Variants in RAD51B observed in about 807,000 individuals in gnomAD.
RAD51B encodes the protein RAD51 paralog B.
A neutral mutation model predicts 42.2 loss-of-function variants in RAD51B; 38 were observed. The observed-to-expected ratio is 0.90, with a 90% CI of 0.70 to 1.18. The LOEUF (loss-of-function observed/expected upper bound fraction) is 1.18. Among genes scored for constraint, RAD51B ranks in the 50% most tolerant of loss-of-function variants. RAD51B has a pLI of 0.00. For synonymous variants in RAD51B, 154 were observed against 145.2 expected, an observed-to-expected ratio of 1.06 and a Z score of -0.43; for missense variants, 373 against 400.7, an observed-to-expected ratio of 0.93 and a Z score of 0.59.
intron 7 of RAD51B, among the ~76,000 whole-genome samples, chr14:67,902,418 A>G (rs2043642184): frequency 6.6e-6 from 1 of 152,182 alleles, no homozygotes; most frequent in Non-Finnish European, 1.5e-5. Flanking sequence ...GACTGTTTTT[A>G]TCCTTAGTTA....
intron 10 of RAD51B, among the ~76,000 whole-genome samples, chr14:68,486,365 A>T (rs1247532369): frequency 6.6e-6 from 1 of 152,148 alleles, no homozygotes; most frequent in Admixed American, 6.5e-5. Context: ...GTTTAAGTCT[A>T]TTGCCACTGG....
chr14:68,195,724 C>A (rs752500136), intron 7 of RAD51B, among the ~76,000 whole-genome samples: 12 of 151,292 alleles, frequency 7.9e-5, no homozygotes, highest in Non-Finnish European at 1.6e-4. Flanking sequence ...GCCTGACCAG[C>A]AGGGAGAAAA....
intron 7 of RAD51B, among the ~76,000 whole-genome samples, chr14:68,234,580 C>G (rs2080209719): frequency 6.6e-6 from 1 of 152,100 alleles, no homozygotes; most frequent in African/African-American, 2.4e-5. Flanking sequence ...GTACTGAATA[C>G]TATAGGCAAT....
chr14:68,199,200 G>A (rs2079433680), intron 7 of RAD51B, among the ~76,000 whole-genome samples: 1 of 152,144 alleles, frequency 6.6e-6, no homozygotes, highest in Non-Finnish European at 1.5e-5. Flanking sequence ...CAGAATAGAA[G>A]CAACACTCCA....
chr14:68,381,036 T>C (rs1303456138), intron 8 of RAD51B, among the ~76,000 whole-genome samples: 1 of 152,274 alleles, frequency 6.6e-6, no homozygotes, highest in African/African-American at 2.4e-5. Flanking sequence ...CATGAAATCA[T>C]GTTCACATTT....
chr14:68,501,734 C>A (rs1485115789), intron 10 of RAD51B, among the ~76,000 whole-genome samples: 5 of 152,268 alleles, frequency 3.3e-5, no homozygotes. Context: ...GCCCACTTCT[C>A]AAGATAGTGA....
At chr14:68,429,390 A>G (rs1377055629) in intron 9 of RAD51B, among the ~76,000 whole-genome samples, 2 of 152,064 alleles carry the variant, frequency 1.3e-5, no homozygotes, top group African/African-American at 2.4e-5. Flanking sequence ...AAGTGTTCCT[A>G]TTTCTCCACA....
chr14:68,037,803 G>GT, intron 7 of RAD51B, among the ~76,000 whole-genome samples: 1 of 152,180 alleles, frequency 6.6e-6, no homozygotes, highest in African/African-American at 2.4e-5. Flanking sequence ...AAATTTTTCC[G>GT]TATGTTCTGT....
chr14:68,368,218 A>T (rs551428980), intron 8 of RAD51B, among the ~76,000 whole-genome samples: 1 of 152,316 alleles, frequency 6.6e-6, no homozygotes, highest in South Asian at 2.1e-4. Context: ...TTTTATATTA[A>T]CAGAAACCCT....
rs561374016 is a variant in RAD51B at position 68,440,781 on chromosome 14, C to T, written c.958-27391C>T. 2.0e-5 allele frequency among the ~76,000 whole-genome samples: 3 copies of T among 151,938 alleles called. No individual in the cohort carries two copies. In the South Asian group the frequency reaches 6.2e-4, roughly 32 times the overall value. On this transcript the variant is annotated intron_variant, in intron 9 of 10. Coordinates refer to ENST00000471583, the MANE Select transcript of RAD51B (RefSeq NM_133510.4). Reference sequence around the variant, plus strand: ...AGAAAGAAAGAAAGAAAGAAAGTAACCATCATTTCTAGTCTGTGGGGATCA... The same window carrying T: ...AGAAAGAAAGAAAGAAAGAAAGTAATCATCATTTCTAGTCTGTGGGGATCA...
chr14:67,972,786 A>C (rs1214660070), intron 7 of RAD51B, among the ~76,000 whole-genome samples: 4 of 152,102 alleles, frequency 2.6e-5, no homozygotes, highest in Admixed American at 6.6e-5. Flanking sequence ...TTATCATGTC[A>C]TGAATTGGGA....
chr14:68,051,394 G>T (rs951040577), intron 7 of RAD51B, among the ~76,000 whole-genome samples: 1 of 151,860 alleles, frequency 6.6e-6, no homozygotes, highest in Non-Finnish European at 1.5e-5. Flanking sequence ...TAGGTTGTTT[G>T]TTTGTTTTCA....
At chr14:68,113,652 C>T (rs574224536) in intron 7 of RAD51B, 1 of 152,188 alleles carries the variant, frequency 6.6e-6, no homozygotes, top group African/African-American at 2.4e-5. Flanking sequence ...GGCTTTATGA[C>T]TTTCAGGAAA....
intron 10 of RAD51B, among the ~76,000 whole-genome samples, chr14:68,486,874 T>C (rs1354660849): frequency 1.3e-5 from 2 of 152,210 alleles, no homozygotes; most frequent in Non-Finnish European, 2.9e-5. Context: ...TAGAATTCTT[T>C]AGTGGCATCT....
At chr14:68,369,354 C>G (rs1159740110) in intron 8 of RAD51B, among the ~76,000 whole-genome samples, 1 of 152,220 alleles carries the variant, frequency 6.6e-6, no homozygotes, top group African/African-American at 2.4e-5. Context: ...AGCACACCGG[C>G]TCTTGCACAG....
intron 4 of RAD51B, among the ~76,000 whole-genome samples, chr14:67,837,685 A>G (rs2041291862): frequency 6.6e-6 from 1 of 152,136 alleles, no homozygotes; most frequent in South Asian, 2.1e-4. Flanking sequence ...ATAATTGTAT[A>G]TATTTATGGG....
chr14:68,017,038 C>CT (rs1263026688), intron 7 of RAD51B, among the ~76,000 whole-genome samples: 2 of 152,028 alleles, frequency 1.3e-5, no homozygotes, highest in Middle Eastern at 3.4e-3. Context: ...AAGGACATGG[C>CT]TTTTTTTCTT....
intron 7 of RAD51B, among the ~76,000 whole-genome samples, chr14:67,971,124 T>C (rs1241066025): frequency 6.6e-6 from 1 of 152,156 alleles, no homozygotes; most frequent in Non-Finnish European, 1.5e-5. Context: ...TGTTCATGTT[T>C]ATGACTCAGT....
At position 68,534,683 on chromosome 14, in the gene RAD51B, G is replaced by A. The variant is rs1887508145; in HGVS notation, c.1037-59802G>A. Among the ~76,000 whole-genome samples the A allele has an allele frequency of 3.3e-5, 5 of 152,242 alleles. No homozygotes were observed. In the South Asian group the frequency reaches 1.0e-3, roughly 32 times the overall value. ...GATTTCCAGAAAGCTGAGTGGAGTGGGTGGATATTGGGTCAGATATTAATA... is the reference window on the plus strand; with the variant it reads ...GATTTCCAGAAAGCTGAGTGGAGTGAGTGGATATTGGGTCAGATATTAATA... On this transcript the variant is annotated intron_variant, in intron 10 of 10. Transcript: ENST00000487270.
Sources: allele counts gnomAD v4.1 joint callset (sites outside exome capture counted in the v4.1 genomes callset), GRCh38; gene constraint gnomAD v4.1.1; transcripts MANE v1.5; gene names NCBI Gene and HGNC (gene_info 2026-07-23, HGNC 2026-07-21).